The following PCDHGA7 variants were observed in gnomAD, a reference collection of about 807,000 sequenced individuals.
The protein encoded by PCDHGA7 is protocadherin gamma subfamily A, 7.
A neutral mutation model predicts 58.3 loss-of-function variants in PCDHGA7; 44 were observed. The ratio of observed to expected loss-of-function variants is 0.75; its 90% CI spans 0.59 to 0.97. The LOEUF is 0.97. Ranked by LOEUF, PCDHGA7 falls within the 50% of genes least tolerant of loss-of-function variation. PCDHGA7 has a pLI of 0.00. For synonymous variants in PCDHGA7, 516 were observed against 504.2 expected, an observed-to-expected ratio of 1.02 and a Z score of -0.31; for missense variants, 1,266 against 1,188.7, an observed-to-expected ratio of 1.06 and a Z score of -0.96.
rs1434955829 is a variant in PCDHGA7, at chr5:141,431,361, A to G, written c.2424+46038A>G. 3 of 1,614,002 alleles carry G rather than the reference A, an allele frequency of 1.9e-6. No homozygotes were observed. The highest frequency in any genetic ancestry group is 2.5e-6 in the Non-Finnish European group (3 of 1,180,034). On this transcript the variant is annotated intron_variant, in intron 1 of 3. Transcript: ENST00000518325. The surrounding 1 kb of genome is among the most constrained non-coding windows in gnomAD (Gnocchi z 4.8). ...GAATTGGTGCTGAAACGCGCCCTGG[A>G]CCGCGAAGAAAAGGCTGCTCACCAC...
At position 141,385,107 on chromosome 5, in the gene PCDHGA7, C is replaced by T; in HGVS notation, c.2208C>T (p.Pro736=). The change falls in exon 1 of 4, where the codon CCC becomes CCT. Residue 736 remains proline, a synonymous_variant. Transcript: ENST00000518325. The part of the protein sequence containing the change: ...QASEGGLANV[P]TSHFVGMDGV... ...CAGAAGGTGGCTTGGCGAACGTGCC[C>T]ACCTCGCACTTTGTGGGCATGGACG... is the stretch of plus-strand genomic sequence containing the variant. 1 of 1,614,178 alleles carries T rather than the reference C, an allele frequency of 6.2e-7. No individual in the cohort carries two copies. The highest frequency in any genetic ancestry group is 8.5e-7 in the Non-Finnish European group (1 of 1,180,038).
intron 1 of PCDHGA7, chr5:141,410,752 G>GT: frequency 4.4e-6 from 5 of 1,130,822 alleles, no homozygotes; most frequent in Non-Finnish European, 5.8e-6. Context: ...TTTTCTCAAT[G>GT]TTTTTTCAAT....
chr5:141,388,907 C>T (rs1321583045), intron 1 of PCDHGA7: 5 of 1,613,786 alleles, frequency 3.1e-6, no homozygotes, highest in African/African-American at 1.3e-5. Context: ...AAAATGACAA[C>T]GCCCCAGAAG....
chr5:141,422,969 G>C (rs1269760845), intron 1 of PCDHGA7: 2 of 1,614,202 alleles, frequency 1.2e-6, no homozygotes, highest in South Asian at 2.2e-5. Flanking sequence ...CTGGCGCCCC[G>C]CTCTGCGGAA....
chr5:141,393,376 G>C (rs749009041), intron 1 of PCDHGA7: 2 of 1,613,842 alleles, frequency 1.2e-6, no homozygotes, highest in African/African-American at 2.7e-5. Flanking sequence ...GGAGACAATG[G>C]AGCCATAAAC....
intron 1 of PCDHGA7, among the ~76,000 whole-genome samples, chr5:141,451,364 C>T (rs970149151): frequency 3.9e-5 from 6 of 152,078 alleles, no homozygotes; most frequent in Middle Eastern, 3.2e-3. Context: ...AGGATGGATC[C>T]GCTTCTAATC....
intron 1 of PCDHGA7, among the ~76,000 whole-genome samples, chr5:141,437,550 A>T (rs866913156): frequency 6.6e-6 from 1 of 152,192 alleles, no homozygotes; most frequent in African/African-American, 2.4e-5. Context: ...AGTTTTCTTT[A>T]TGACATGTAA....
Position 141,511,201 on chromosome 5 carries a change from G to A in PCDHGA7, c.*28G>A, listed in dbSNP as rs2099883661. On this transcript the variant is annotated 3_prime_UTR_variant, in exon 4 of 4. Transcript: ENST00000518325. ...TGGAGGCCAGGCCAAGAGCCACAGG[G>A]CGGCCTCTCCCCAACCAGCCCAGCT... 2 of 1,612,600 alleles carry A rather than the reference G, an allele frequency of 1.2e-6. No homozygotes were observed. The highest frequency in any genetic ancestry group is 1.7e-6 in the Non-Finnish European group (2 of 1,179,344).
rs193229261 is a variant in PCDHGA7, at chr5:141,446,714, G to A, written c.2425-48093G>A. ...GCTGGTCTCGAACTCTGATCTGCCCGCCTCGGCCTCCCAAAGTGTGGGGAT... is the reference window on the plus strand; with the variant it reads ...GCTGGTCTCGAACTCTGATCTGCCCACCTCGGCCTCCCAAAGTGTGGGGAT... On this transcript the variant is annotated intron_variant, in intron 1 of 3. Transcript: ENST00000518325. Among the ~76,000 whole-genome samples the A allele has an allele frequency of 3.3e-3, 497 of 152,154 alleles. 2 individuals are homozygous for A. Among genetic ancestry groups the A allele is most frequent in the African/African-American group, 0.011 (450 of 41,528 alleles).
In PCDHGA7 at chr5:141,490,304, T is replaced by G. The variant is rs2099698490; in HGVS notation, c.2425-4503T>G. On this transcript the variant is annotated intron_variant, in intron 1 of 3. Coordinates refer to ENST00000518325, the MANE Select transcript of PCDHGA7 (RefSeq NM_018920.4). This position sits in a 1 kb window ranked among gnomAD's most constrained non-coding sequence, Gnocchi z 5.4. ...GCCCCAGAGGTGCTATTGGCCTCTT[T>G]GGCCAACCCTGTCCTAGAGAGCACA... 1.2e-6 allele frequency: 2 copies of G among 1,614,026 alleles called. No homozygotes were observed. The highest frequency in any genetic ancestry group is 1.7e-5 in the Admixed American group (1 of 60,010).
At chr5:141,403,786 A>G (rs1317253233) in intron 1 of PCDHGA7, 1 of 1,613,848 alleles carries the variant, frequency 6.2e-7, no homozygotes, top group African/African-American at 1.3e-5. Flanking sequence ...GAAAAGTGGC[A>G]TACAAATTCT....
Position 141,493,775 on chromosome 5 carries a change from G to A in PCDHGA7, c.2425-1032G>A, listed in dbSNP as rs1434978072. ...CCTTGAGTGAGCCACTGGCAGTTCCGGAGCTTCCTTCTCCCTGGAGTAATC... is the reference window on the plus strand; with the variant it reads ...CCTTGAGTGAGCCACTGGCAGTTCCAGAGCTTCCTTCTCCCTGGAGTAATC... On this transcript the variant is annotated intron_variant, in intron 1 of 3. Coordinates refer to ENST00000518325, the MANE Select transcript of PCDHGA7 (RefSeq NM_018920.4). The surrounding 1 kb of genome is among the most constrained non-coding windows in gnomAD (Gnocchi z 4.3). Among the ~76,000 whole-genome samples, 1 of 152,094 alleles carries A rather than the reference G, an allele frequency of 6.6e-6. No individual in the cohort carries two copies. The highest frequency in any genetic ancestry group is 6.5e-5 in the Admixed American group (1 of 15,272).
intron 1 of PCDHGA7, chr5:141,393,237 A>C (rs1561641299): frequency 6.2e-7 from 1 of 1,613,684 alleles, no homozygotes; most frequent in Non-Finnish European, 8.5e-7. Context: ...AGAAGTAAAA[A>C]TTAACGAAAT....
At chr5:141,421,754 A>G (rs1230343518) in intron 1 of PCDHGA7, 4 of 1,613,918 alleles carry the variant, frequency 2.5e-6, no homozygotes, top group East Asian at 2.2e-5. Context: ...CTCAGCCCTA[A>G]TAATTACTTT....
At position 141,486,169 on chromosome 5, in the gene PCDHGA7, A is replaced by G. The variant is rs2099625537; in HGVS notation, c.2425-8638A>G. The G allele has an allele frequency of 1.2e-6, 2 of 1,614,088 alleles. No individual in the cohort carries two copies. Among genetic ancestry groups the G allele is most frequent in the East Asian group, 2.2e-5 (1 of 44,890 alleles). On this transcript the variant is annotated intron_variant, in intron 1 of 3. Transcript: ENST00000518325. The surrounding 1 kb of genome is among the most constrained non-coding windows in gnomAD (Gnocchi z 5.0). ...ATGGGGGTTCTCCAGCCATGGAGCA[A>G]CATTGCAGCCTTCGAGTGGATCTGC...
intron 1 of PCDHGA7, among the ~76,000 whole-genome samples, chr5:141,449,264 C>T (rs2098633342): frequency 6.6e-6 from 1 of 152,056 alleles, no homozygotes; most frequent in African/African-American, 2.4e-5. Flanking sequence ...GTACAAAGAA[C>T]TGTATCTCCT....
At chr5:141,423,342 C>A in intron 1 of PCDHGA7, 1 of 1,613,824 alleles carries the variant, frequency 6.2e-7, no homozygotes, top group South Asian at 1.1e-5. Flanking sequence ...CCTGCATCTT[C>A]CTGGTCTTTG....
chr5:141,482,753 G>A (rs2154579665), intron 1 of PCDHGA7, among the ~76,000 whole-genome samples: 1 of 127,136 alleles, frequency 7.9e-6, no homozygotes. Context: ...GAGGGATTAT[G>A]GTATTTCATT....
intron 1 of PCDHGA7, chr5:141,398,277 C>T: frequency 1.4e-6 from 2 of 1,407,866 alleles, no homozygotes; most frequent in Non-Finnish European, 1.9e-6. Flanking sequence ...TGGGGAACCT[C>T]GCCACGGACC....
Sources: allele counts gnomAD v4.1 joint callset (sites outside exome capture counted in the v4.1 genomes callset), GRCh38; gene constraint gnomAD v4.1.1; non-coding constraint Gnocchi (gnomAD v3.1); transcripts MANE v1.5; gene names NCBI Gene and HGNC (gene_info 2026-07-23, HGNC 2026-07-21).